BMP1: variants seen among roughly 807,000 people sequenced by gnomAD.
The protein encoded by BMP1 is mammalian tolloid protein.
BMP1 carries 63 observed loss-of-function variants against 116.8 expected under a neutral mutation model. That is an observed-to-expected ratio of 0.54 (90% confidence interval 0.44 to 0.67). The LOEUF is 0.67. Among genes scored for constraint, BMP1 ranks in the 30% least tolerant of loss-of-function variants. The pLI is 0.00. For missense variants in BMP1, 1,183 were observed against 1,358.9 expected (o/e 0.87, Z 2.04); for synonymous variants, 536 against 533.4 (o/e 1.00, Z -0.07).
chr8:22,172,432 T>C (rs550799444), intron 1 of BMP1, among the ~76,000 whole-genome samples: 1 of 152,024 alleles, frequency 6.6e-6, no homozygotes, highest in Admixed American at 6.6e-5. Flanking sequence ...GAATGGCCCT[T>C]TAGGGAGGCT....
chr8:22,208,482 G>A (rs1012950605), intron 18 of BMP1, among the ~76,000 whole-genome samples: 8 of 152,226 alleles, frequency 5.3e-5, no homozygotes, highest in Non-Finnish European at 1.0e-4. Flanking sequence ...GAGCCAGGCA[G>A]GAAGAAAGGC....
chr8:22,196,963 A>G (rs911349145), intron 14 of BMP1, 123 bp downstream of exon 14: 47 of 1,322,034 alleles, frequency 3.6e-5, no homozygotes, highest in Non-Finnish European at 4.4e-5. Flanking sequence ...TATCGAGGAG[A>G]GACTGCTCCC....
intron 18 of BMP1, among the ~76,000 whole-genome samples, chr8:22,207,920 G>C (rs752304398): frequency 3.3e-5 from 5 of 151,808 alleles, no homozygotes; most frequent in Non-Finnish European, 5.9e-5. Flanking sequence ...GTCTTGCTCT[G>C]TCGCCCAGGC....
intron 14 of BMP1, 41 bp downstream of exon 14, chr8:22,196,881 G>A (rs1368040238): frequency 6.3e-7 from 1 of 1,584,134 alleles, no homozygotes; most frequent in South Asian, 1.2e-5. Flanking sequence ...AGGAAGCTGT[G>A]AGGCGTGGGC....
chr8:22,184,455 A>C (rs574186531), intron 8 of BMP1, among the ~76,000 whole-genome samples: 1 of 152,216 alleles, frequency 6.6e-6, no homozygotes, highest in Non-Finnish European at 1.5e-5. Context: ...GCTAACTATA[A>C]AAATTCCAGA....
intron 1 of BMP1, among the ~76,000 whole-genome samples, chr8:22,172,150 G>A (rs555469575): frequency 2.0e-4 from 30 of 152,212 alleles, no homozygotes; most frequent in African/African-American, 6.5e-4. Context: ...TGTGTAACGC[G>A]ACCGCCAGGC....
At chr8:22,190,460 G>A (rs73225850) in intron 8 of BMP1, among the ~76,000 whole-genome samples, 7,270 of 152,216 alleles carry the variant, frequency 0.048, 276 homozygotes, top group Admixed American at 0.092. Context: ...GAGAACTGAC[G>A]GAAAGGCTGG....
chr8:22,194,693 C>G lies in BMP1; in HGVS notation c.1444-31C>G, dbSNP rs1180992537. ...AGGGGTGGGTCTCTGGCAGCCAGAG[C>G]CCCTTCCACTGATGAAGCCTCGACC... On this transcript the variant is annotated intron_variant, in intron 11 of 19. Transcript: ENST00000306385. This position sits in a 1 kb window ranked among gnomAD's most constrained non-coding sequence, Gnocchi z 4.5. The G allele has an allele frequency of 1.3e-6, 2 of 1,591,402 alleles. No homozygotes were observed. The highest frequency in any genetic ancestry group is 1.7e-6 in the Non-Finnish European group (2 of 1,167,284).
chr8:22,172,605 CTCTTTT>C (rs1828311738), intron 1 of BMP1, among the ~76,000 whole-genome samples: 1 of 140,818 alleles, frequency 7.1e-6, no homozygotes, highest in Non-Finnish European at 1.5e-5. Flanking sequence ...ATTTTATTTC[CTCTTTT>C]TTTTTTTTTT....
intron 12 of BMP1, 50 bp from the exon 13 acceptor site, chr8:22,195,412 T>G (rs369937351): frequency 1.3e-6 from 2 of 1,563,134 alleles, no homozygotes; most frequent in South Asian, 2.4e-5. Flanking sequence ...ACAGCCAGCT[T>G]CTTCCCTTGA....
rs143100046 is a variant in BMP1 at position 22,192,478 on chromosome 8, T to C, written c.1180+327T>C. ...AGACAGGCTGTTCTGCGCATCCCCA[T>C]GGCCCCAGGCTCTCTTCCTCATCTG... is the stretch of plus-strand genomic sequence containing the variant. On this transcript the variant is annotated intron_variant, in intron 9 of 19. Transcript: ENST00000306385. 479 of 231,558 alleles carry C rather than the reference T, an allele frequency of 2.1e-3. 3 individuals carry two copies. The highest frequency in any genetic ancestry group is 0.011 in the African/African-American group (463 of 43,932). The allele number at this position is 231,558 out of a possible 1,614,324, so 14.3% of individuals were successfully genotyped here.
rs1436163504 is a variant in BMP1, at chr8:22,206,978, G to T, written c.2358G>T (p.Lys786Asn). 6.2e-7 allele frequency: 1 copy of T among 1,614,138 alleles called. No individual in the cohort carries two copies. The highest frequency in any genetic ancestry group is 1.7e-5 in the Admixed American group (1 of 60,020). ...CCAGCACCCCCGGGCACCGGGTCAA[G>T]CTGGTAAGGGGTCCCCTCCCCACTC... is the stretch of plus-strand genomic sequence containing the variant. ...AISSTPGHRV[K>N]LTFMEMDIES... Residue 786 changes from lysine (K) to asparagine (N), a missense_variant, in exon 17 of 20, where the codon AAG becomes AAT. Lys to Asn is a moderately conservative substitution (Grantham distance 94). Around this residue, in one of 4 missense-constraint regions of BMP1, gnomAD observed 956 missense variants for 1,135.2 expected, o/e 0.84. Coordinates refer to ENST00000306385, the MANE Select transcript of BMP1 (RefSeq NM_006129.5).
intron 8 of BMP1, among the ~76,000 whole-genome samples, chr8:22,190,614 C>T (rs73225851): frequency 0.048 from 7,266 of 152,204 alleles, 272 homozygotes; most frequent in Admixed American, 0.092. Flanking sequence ...CAGAACTGAG[C>T]GGCCAAGAAG....
intron 16 of BMP1, among the ~76,000 whole-genome samples, chr8:22,204,183 C>T (rs569171103): frequency 2.0e-5 from 3 of 152,196 alleles, no homozygotes; most frequent in African/African-American, 7.2e-5. Context: ...AAGGCCAGAG[C>T]GCAAAGAGGG....
At position 22,211,662 on chromosome 8, in the gene BMP1, CA is replaced by C. The variant is rs964719937; in HGVS notation, c.2901del (p.Gly968ValfsTer37). 4 of 1,614,144 alleles carry C rather than the reference CA, an allele frequency of 2.5e-6. No homozygotes were observed. The highest frequency in any genetic ancestry group is 3.4e-6 in the Non-Finnish European group (4 of 1,180,004). ...AGTTCCACTCGGATGACACCATCAC[CA>C]AAAAAGGTTTCCACCTGCGATACAC... ...VKFHSDDTIT[K>X]KGFHLRYTST... On this transcript the variant is annotated frameshift_variant, in exon 20 of 20. Coordinates refer to ENST00000306385, the MANE Select transcript of BMP1 (RefSeq NM_006129.5). LOFTEE classifies it high-confidence loss of function.
intron 8 of BMP1, among the ~76,000 whole-genome samples, chr8:22,187,972 A>G (rs943628920): frequency 7.2e-5 from 11 of 152,228 alleles, no homozygotes; most frequent in Admixed American, 2.0e-4. Context: ...GATTGAAGCC[A>G]GACAGTGAGT....
At chr8:22,188,169 A>G (rs1165084223) in intron 8 of BMP1, among the ~76,000 whole-genome samples, 1 of 141,566 alleles carries the variant, frequency 7.1e-6, no homozygotes, top group African/African-American at 2.7e-5. Flanking sequence ...GATCATTTCC[A>G]GTTTTGGGTT....
intron 12 of BMP1, 127 bp from the exon 13 acceptor site, chr8:22,195,335 G>A: frequency 8.3e-7 from 1 of 1,207,350 alleles, no homozygotes; most frequent in East Asian, 2.6e-5. Flanking sequence ...TCTGAAGGAA[G>A]GCTCTGTGGG....
At chr8:22,191,971 G>A (rs1285087915) in intron 8 of BMP1, 78 bp from the exon 9 acceptor site, 20 of 1,319,840 alleles carry the variant, frequency 1.5e-5, no homozygotes, top group Middle Eastern at 2.3e-4. Context: ...TAAGGCGGGC[G>A]GTGGTCATCA....
Sources: allele counts gnomAD v4.1 joint callset (sites outside exome capture counted in the v4.1 genomes callset), GRCh38; gene constraint gnomAD v4.1.1; regional missense constraint gnomAD v4.1.1; non-coding constraint Gnocchi (gnomAD v3.1); transcripts MANE v1.5; gene names NCBI Gene and HGNC (gene_info 2026-07-23, HGNC 2026-07-21).